Variants in UVSSA observed in about 807,000 individuals in gnomAD.
UVSSA encodes UV stimulated scaffold protein A, also known as UV-stimulated scaffold protein A.
A neutral mutation model predicts 73.9 loss-of-function variants in UVSSA; 72 were observed. That is an observed-to-expected ratio of 0.97 (90% CI 0.81 to 1.19). The LOEUF (loss-of-function observed/expected upper bound fraction) is 1.19, where lower values mean the gene tolerates loss of function less well. Among genes scored for constraint, UVSSA ranks in the 50% most tolerant of loss-of-function variants. UVSSA has a pLI of 0.00. For missense variants in UVSSA, 1,150 were observed against 965.0 expected (o/e 1.19, Z -2.54); for synonymous variants, 454 against 391.3 (o/e 1.16, Z -1.89).
At chr4:1,359,245 G>A (rs1040251573) in intron 7 of UVSSA, 2 of 152,250 alleles carry the variant, frequency 1.3e-5, no homozygotes, top group Admixed American at 6.5e-5. Context: ...TGTGTGCTGT[G>A]CGTTTGGAGT....
At chr4:1,375,631 G>A in intron 9 of UVSSA, 123 bp downstream of exon 9, 1 of 1,445,806 alleles carries the variant, frequency 6.9e-7, no homozygotes, top group Non-Finnish European at 9.2e-7. Flanking sequence ...TGGAAGCCTT[G>A]GGTGTGTACC....
chr4:1,352,313 T>C (rs992427489), intron 4 of UVSSA, among the ~76,000 whole-genome samples: 6 of 152,220 alleles, frequency 3.9e-5, no homozygotes, highest in African/African-American at 1.2e-4. Context: ...GGCACGGCCC[T>C]GTGTCTTCAG....
chr4:1,362,734 C>T (rs1716819882), intron 7 of UVSSA, among the ~76,000 whole-genome samples: 1 of 152,204 alleles, frequency 6.6e-6, no homozygotes, highest in Non-Finnish European at 1.5e-5. Context: ...GATTTGACTT[C>T]TTAGAGGTGA....
At chr4:1,354,586 C>T in intron 5 of UVSSA, 149 bp from the exon 6 acceptor site, 3 of 639,384 alleles carry the variant, frequency 4.7e-6, no homozygotes, top group Non-Finnish European at 8.4e-6. Flanking sequence ...CTTCTCACAG[C>T]ATCAGGTTTG....
chr4:1,349,302 A>C (rs145940077), intron 2 of UVSSA, among the ~76,000 whole-genome samples: 6 of 152,308 alleles, frequency 3.9e-5, no homozygotes, highest in Non-Finnish European at 8.8e-5. Flanking sequence ...TTGTATTGAC[A>C]TTCTTGGCTT....
intron 13 of UVSSA, chr4:1,385,080 A>G (rs1183599770): frequency 6.6e-6 from 1 of 152,296 alleles, no homozygotes; most frequent in East Asian, 1.9e-4. Context: ...GATGCCCAGG[A>G]GGAGGAATGG....
chr4:1,360,889 C>T (rs916543924), intron 7 of UVSSA, among the ~76,000 whole-genome samples: 2 of 152,318 alleles, frequency 1.3e-5, no homozygotes, highest in East Asian at 3.9e-4. Flanking sequence ...CAACCAGCTT[C>T]CTGAGCACTG....
chr4:1,384,097 G>A, intron 13 of UVSSA, 157 bp downstream of exon 13: 1 of 933,294 alleles, frequency 1.1e-6, no homozygotes. Context: ...CCTTTCCCCG[G>A]GGAGGGGCAG....
intron 8 of UVSSA, among the ~76,000 whole-genome samples, chr4:1,373,542 C>G (rs1718390692): frequency 6.6e-6 from 1 of 152,192 alleles, no homozygotes. Flanking sequence ...ATCCTCAGTG[C>G]TCTGTGTTAA....
intron 10 of UVSSA, among the ~76,000 whole-genome samples, chr4:1,379,383 C>T (rs1274380777): frequency 6.6e-6 from 1 of 152,220 alleles, no homozygotes; most frequent in Non-Finnish European, 1.5e-5. Context: ...CCGGCCTCCT[C>T]TTGGCCGGCA....
chr4:1,346,262 T>G (rs1577261864), upstream of UVSSA, among the ~76,000 whole-genome samples: 1 of 152,248 alleles, frequency 6.6e-6, no homozygotes, highest in East Asian at 1.9e-4. Context: ...GGCACGCCCA[T>G]CCCCCCGAAA....
Position 1,356,047 on chromosome 4 carries a change from G to A in UVSSA, c.1176+802G>A, listed in dbSNP as rs968514794. Among the ~76,000 whole-genome samples, 8 of 152,066 alleles carry A rather than the reference G, an allele frequency of 5.3e-5. No individual in the cohort carries two copies. In the East Asian group the frequency reaches 7.7e-4, roughly 15 times the overall value. Reference sequence around the variant, plus strand: ...GGCCTTAGGACTGGAGGTACACAGCGGCCACCCTGAGCTCCCACAGCAGTG... The same window carrying A: ...GGCCTTAGGACTGGAGGTACACAGCAGCCACCCTGAGCTCCCACAGCAGTG... On this transcript the variant is annotated intron_variant, in intron 7 of 13. Coordinates refer to ENST00000389851, the MANE Select transcript of UVSSA (RefSeq NM_020894.4).
rs536572390 is a variant in UVSSA at position 1,386,166 on chromosome 4, G to A, written c.*205G>A. Reference sequence around the variant, plus strand: ...ATCGTCTGGTGATGGGTCTGGCCTCGCAGAAGAGGCCCTCGGGCCTGGAGA... The same window carrying A: ...ATCGTCTGGTGATGGGTCTGGCCTCACAGAAGAGGCCCTCGGGCCTGGAGA... On this transcript the variant is annotated 3_prime_UTR_variant, in exon 14 of 14. Coordinates refer to ENST00000389851, the MANE Select transcript of UVSSA (RefSeq NM_020894.4). The A allele has an allele frequency of 1.6e-5, 9 of 577,348 alleles. No individual in the cohort carries two copies. The highest frequency in any genetic ancestry group is 3.7e-5 in the African/African-American group (2 of 53,558). 35.8% of individuals were successfully genotyped at this position (577,348 alleles called of 1,614,324 possible). A position where few individuals can be genotyped will look rare whatever the true frequency, so the allele number is the denominator to read the frequency against.
At chr4:1,365,078 G>C (rs945988727) in intron 7 of UVSSA, among the ~76,000 whole-genome samples, 1 of 152,234 alleles carries the variant, frequency 6.6e-6, no homozygotes, top group African/African-American at 2.4e-5. Flanking sequence ...CCGCTTCTGA[G>C]CGCGTGGATG....
intron 10 of UVSSA, among the ~76,000 whole-genome samples, chr4:1,379,422 G>A (rs1207401043): frequency 2.6e-5 from 4 of 152,166 alleles, no homozygotes; most frequent in Admixed American, 6.5e-5. Flanking sequence ...CATGGCATCC[G>A]CCGGAAAGCG....
At chr4:1,346,437 T>TCCGC (rs1472118033), upstream of UVSSA, among the ~76,000 whole-genome samples, 1 of 152,150 alleles carries the variant, frequency 6.6e-6, no homozygotes, top group African/African-American at 2.4e-5. Flanking sequence ...GGTCCGTCCG[T>TCCGC]CCGCAGCCGA....
chr4:1,352,481 C>T (rs1251309847), intron 4 of UVSSA, among the ~76,000 whole-genome samples: 2 of 152,312 alleles, frequency 1.3e-5, no homozygotes, highest in African/African-American at 2.4e-5. Context: ...TGCTCCGGCC[C>T]GGGAGGTGTG....
In UVSSA at chr4:1,353,342, A is replaced by T. The variant is rs369834389; in HGVS notation, c.863A>T (p.Asp288Val). Residue 288 changes from aspartate to valine, a missense_variant, in exon 5 of 14, where the codon GAC becomes GTC. Asp to Val is a radical substitution (Grantham distance 152). Transcript: ENST00000389851. ...GDPSDEDEDS[D>V]LEEFVRSHGL... The stretch of plus-strand genomic sequence containing the variant: ...CCCTCAGATGAGGACGAGGACAGCG[A>T]CCTCGAGGAGTTTGTGCGGAGCCAC... The T allele has an allele frequency of 3.2e-4, 523 of 1,610,794 alleles. No homozygotes were observed. The highest frequency in any genetic ancestry group is 4.2e-4 in the Non-Finnish European group (494 of 1,179,318).
chr4:1,343,842 G>T (rs1358458141), upstream of UVSSA, among the ~76,000 whole-genome samples: 1 of 152,110 alleles, frequency 6.6e-6, no homozygotes, highest in Non-Finnish European at 1.5e-5. Flanking sequence ...TTTGCCTCTG[G>T]TATCATTTTC....
Sources: gnomAD v4.1 joint callset for allele counts (sites outside exome capture counted in the v4.1 genomes callset) on GRCh38, gnomAD v4.1.1 for gene constraint, MANE v1.5 for transcripts, NCBI Gene and HGNC (gene_info 2026-07-23, HGNC 2026-07-21) for gene names.